Variants in SPECC1 observed in about 807,000 individuals in gnomAD.
SPECC1 encodes sperm antigen with calponin homology and coiled-coil domains 1.
Under a neutral mutation model 104.1 loss-of-function variants are expected in SPECC1, and 62 were observed. The observed-to-expected ratio is 0.60, with a 90% CI of 0.49 to 0.74. The LOEUF is 0.74. Ranked by LOEUF, SPECC1 falls within the 30% of genes least tolerant of loss-of-function variation. The probability of loss-of-function intolerance (pLI) is 0.00; values close to 1 mark genes in which losing one functional copy is unlikely to be tolerated. For missense variants in SPECC1, 1,306 were observed against 1,310.5 expected, an observed-to-expected ratio of 1.00 and a Z score of 0.05; for synonymous variants, 513 against 501.6, an observed-to-expected ratio of 1.02 and a Z score of -0.30.
At chr17:20,311,738 G>C (rs1489709043) in intron 14 of SPECC1, among the ~76,000 whole-genome samples, 1 of 152,146 alleles carries the variant, frequency 6.6e-6, no homozygotes, top group Non-Finnish European at 1.5e-5. Flanking sequence ...TTTACGGGGG[G>C]AATGTTCAGG....
At chr17:20,060,490 T>TTA (rs1189893311) in intron 1 of SPECC1, among the ~76,000 whole-genome samples, 2 of 151,326 alleles carry the variant, frequency 1.3e-5, no homozygotes, top group East Asian at 3.9e-4. Context: ...CTACAAAAAA[T>TTA]AAAAAAATTT....
chr17:20,272,946 CTATCTT>C (rs2040455939), intron 12 of SPECC1, among the ~76,000 whole-genome samples: 1 of 152,276 alleles, frequency 6.6e-6, no homozygotes. Context: ...CTTTAGGTCT[CTATCTT>C]TATGCTGGAG....
intron 1 of SPECC1, among the ~76,000 whole-genome samples, chr17:20,075,629 A>G (rs2046729939): frequency 6.6e-6 from 1 of 152,084 alleles, no homozygotes; most frequent in African/African-American, 2.4e-5. Flanking sequence ...TAGCAAGGCC[A>G]CTGTCTCCAA....
chr17:20,156,157 C>A, intron 3 of SPECC1: 2 of 1,435,248 alleles, frequency 1.4e-6, no homozygotes, highest in South Asian at 2.9e-5. Flanking sequence ...GACACCCGGT[C>A]CGAGGCCGGC....
chr17:20,038,636 G>C (rs2045196799), intron 1 of SPECC1, among the ~76,000 whole-genome samples: 1 of 152,134 alleles, frequency 6.6e-6, no homozygotes, highest in Non-Finnish European at 1.5e-5. Flanking sequence ...TCCTGATCTT[G>C]TGATCCACCA....
intron 1 of SPECC1, among the ~76,000 whole-genome samples, chr17:20,073,103 A>G (rs2152483324): frequency 6.6e-6 from 1 of 152,258 alleles, no homozygotes; most frequent in South Asian, 2.1e-4. Context: ...GCAACAAATT[A>G]TTGGAGCCTA....
At chr17:20,119,942 C>A (rs1178454499) in intron 3 of SPECC1, among the ~76,000 whole-genome samples, 1 of 152,154 alleles carries the variant, frequency 6.6e-6, no homozygotes, top group Non-Finnish European at 1.5e-5. Context: ...CTCACTGGGG[C>A]ATTTTGGATT....
Position 20,236,619 on chromosome 17 carries a change from T to C in SPECC1, c.2351+4214T>C, listed in dbSNP as rs562470168. On this transcript the variant is annotated intron_variant, in intron 7 of 14. Transcript: ENST00000395527. Reference sequence around the variant, plus strand: ...ACACAGTTCTTTGCTGGAGAAGTTCTGGTGGAGGAGCCTAGTACAGGCATT... The same window carrying C: ...ACACAGTTCTTTGCTGGAGAAGTTCCGGTGGAGGAGCCTAGTACAGGCATT... 6.4e-3 allele frequency among the ~76,000 whole-genome samples: 451 copies of C among 70,710 alleles called. 1 individual carries two copies. The highest frequency in any genetic ancestry group is 0.011 in the Middle Eastern group (2 of 184). 46.4% of individuals were successfully genotyped at this position (70,710 alleles called of 152,430 possible). A position where few individuals can be genotyped will look rare whatever the true frequency, so the allele number is the denominator to read the frequency against.
intron 1 of SPECC1, among the ~76,000 whole-genome samples, chr17:20,033,542 G>A (rs777461660): frequency 1.1e-4 from 16 of 152,182 alleles, no homozygotes; most frequent in Non-Finnish European, 1.9e-4. Flanking sequence ...TCTGGCGAGG[G>A]CTTCAGGCTG....
chr17:20,213,044 GAA>G (rs2151389661), intron 4 of SPECC1, among the ~76,000 whole-genome samples: 1 of 152,180 alleles, frequency 6.6e-6, no homozygotes, highest in African/African-American at 2.4e-5. Context: ...ATGGATTGAT[GAA>G]ATGAAGCCAG....
chr17:20,116,409 G>A (rs2152530674), intron 3 of SPECC1, among the ~76,000 whole-genome samples: 1 of 152,138 alleles, frequency 6.6e-6, no homozygotes, highest in South Asian at 2.1e-4. Flanking sequence ...TCTTACCAGT[G>A]ACTAGAAAAG....
At chr17:20,145,431 C>T (rs560931738) in intron 3 of SPECC1, among the ~76,000 whole-genome samples, 1 of 152,194 alleles carries the variant, frequency 6.6e-6, no homozygotes, top group Non-Finnish European at 1.5e-5. Flanking sequence ...GGTGCAGGTT[C>T]TTTCCATCTT....
chr17:20,186,545 G>A (rs566561035), intron 3 of SPECC1, among the ~76,000 whole-genome samples: 1 of 152,270 alleles, frequency 6.6e-6, no homozygotes, highest in African/African-American at 2.4e-5. Context: ...TATGCCAAAT[G>A]GTTTACGTGA....
At chr17:20,108,749 A>G (rs1329940539) in intron 2 of SPECC1, among the ~76,000 whole-genome samples, 2 of 152,190 alleles carry the variant, frequency 1.3e-5, no homozygotes, top group Non-Finnish European at 2.9e-5. Flanking sequence ...GGGCTGCTAT[A>G]AAAAAGGTGC....
chr17:20,168,613 G>A (rs959667913), intron 3 of SPECC1, among the ~76,000 whole-genome samples: 8 of 152,100 alleles, frequency 5.3e-5, no homozygotes, highest in Admixed American at 5.2e-4. Context: ...TAAAAAAATG[G>A]TTATTAAAAA....
At chr17:20,093,720 G>GGT (rs1567837101) in intron 1 of SPECC1, among the ~76,000 whole-genome samples, 1 of 102,260 alleles carries the variant, frequency 9.8e-6, no homozygotes, top group African/African-American at 3.8e-5. Context: ...TTTTGTTTTT[G>GGT]TTTTTGTTTT....
intron 3 of SPECC1, among the ~76,000 whole-genome samples, chr17:20,166,660 T>A (rs2033674301): frequency 6.6e-6 from 1 of 152,138 alleles, no homozygotes; most frequent in Admixed American, 6.6e-5. Context: ...AAAAGAAATC[T>A]GGGATAACCG....
At chr17:20,039,615 C>T (rs1034082306) in intron 1 of SPECC1, among the ~76,000 whole-genome samples, 3 of 151,892 alleles carry the variant, frequency 2.0e-5, no homozygotes, top group Admixed American at 1.3e-4. Flanking sequence ...GCTGGAGTGG[C>T]GCAATCTTGG....
intron 3 of SPECC1, among the ~76,000 whole-genome samples, chr17:20,118,076 G>T (rs2048849386): frequency 6.6e-6 from 1 of 151,968 alleles, no homozygotes. Flanking sequence ...CTGCACTCCG[G>T]CCTGGGCAAC....
Sources: allele counts gnomAD v4.1 joint callset (sites outside exome capture counted in the v4.1 genomes callset), GRCh38; gene constraint gnomAD v4.1.1; transcripts MANE v1.5; gene names NCBI Gene and HGNC (gene_info 2026-07-23, HGNC 2026-07-21).